Variants in DOCK7 observed in about 807,000 individuals in gnomAD.
DOCK7 encodes dedicator of cytokinesis protein 7.
In DOCK7, 138 loss-of-function variants were observed where a neutral mutation model predicts 271.0. The ratio of observed to expected loss-of-function variants is 0.51; its 90% CI spans 0.44 to 0.59. The LOEUF (loss-of-function observed/expected upper bound fraction) is 0.59, where lower values mean the gene tolerates loss of function less well. Among genes scored for constraint, DOCK7 ranks in the 20% least tolerant of loss-of-function variants. DOCK7 has a pLI of 0.00. For missense variants in DOCK7, 2,066 were observed against 2,592.4 expected, an observed-to-expected ratio of 0.80 and a Z score of 4.41; for synonymous variants, 823 against 876.1, an observed-to-expected ratio of 0.94 and a Z score of 1.07.
chr1:62,612,920 C>CT lies in DOCK7; in HGVS notation c.1682+5785dup, dbSNP rs367564544. Among the ~76,000 whole-genome samples, 161 of 152,318 alleles carry CT rather than the reference C, an allele frequency of 1.1e-3. 3 individuals are homozygous for CT. The South Asian group carries it at 0.019, about 18-fold the overall frequency. ...GCCATTACTGGAAATGCGGCTAACT[C>CT]TAACAATCCTGCCAAGAATACCATG... On this transcript the variant is annotated intron_variant, in intron 14 of 49. Coordinates refer to ENST00000635253, the MANE Select transcript of DOCK7 (RefSeq NM_001367561.1).
chr1:62,661,097 GAA>G (rs759373674), intron 2 of DOCK7, among the ~76,000 whole-genome samples: 11 of 116,490 alleles, frequency 9.4e-5, no homozygotes, highest in Admixed American at 1.8e-4. Context: ...GAACCTGTCT[GAA>G]AAAAAAAAAA....
intron 47 of DOCK7, 29 bp from the exon 48 acceptor site, chr1:62,474,117 T>C: frequency 6.4e-7 from 1 of 1,564,522 alleles, no homozygotes; most frequent in Non-Finnish European, 8.7e-7. Context: ...AGAAGTGTGT[T>C]TTTTTGTTAT....
Position 62,625,331 on chromosome 1 carries a change from T to C in DOCK7, c.1353A>G (p.Thr451=), listed in dbSNP as rs778334537. Residue 451 remains threonine, a synonymous_variant, in exon 12 of 50, where the codon ACA becomes ACG. Transcript: ENST00000635253. ...TCAAGTTACAAGCATCATCTCCACT[T>C]GTTGTCCTTTCAAGTGATCGTCTGC... The part of the protein sequence containing the change: ...IVGRRSLERT[T]SGDDACNLTS... 3.1e-6 allele frequency: 5 copies of C among 1,613,840 alleles called. No homozygotes were observed. In the East Asian group the frequency reaches 8.9e-5, roughly 29 times the overall value.
At chr1:62,644,304 C>A (rs888386924) in intron 7 of DOCK7, among the ~76,000 whole-genome samples, 3 of 152,186 alleles carry the variant, frequency 2.0e-5, no homozygotes, top group Non-Finnish European at 2.9e-5. Context: ...CAAGAGCTTT[C>A]TCTTTTTATT....
At chr1:62,617,144 C>T (rs1652540361) in intron 14 of DOCK7, among the ~76,000 whole-genome samples, 1 of 150,044 alleles carries the variant, frequency 6.7e-6, no homozygotes, top group Non-Finnish European at 1.5e-5. Flanking sequence ...GGTAAATAGG[C>T]TCTAAGATGA....
chr1:62,512,727 T>A (rs1447821354), intron 33 of DOCK7, among the ~76,000 whole-genome samples: 1 of 150,294 alleles, frequency 6.7e-6, no homozygotes, highest in Non-Finnish European at 1.5e-5. Flanking sequence ...AGTGAGACCA[T>A]GTTTAAAAAA....
chr1:62,506,981 TA>T (rs1553158508), intron 35 of DOCK7, among the ~76,000 whole-genome samples: 1 of 150,610 alleles, frequency 6.6e-6, no homozygotes, highest in African/African-American at 2.4e-5. Context: ...AATAAATAAA[TA>T]AAATAGAGTA....
chr1:62,515,289 G>A (rs1644629624), intron 31 of DOCK7, among the ~76,000 whole-genome samples: 1 of 152,028 alleles, frequency 6.6e-6, no homozygotes, highest in Non-Finnish European at 1.5e-5. Context: ...GCATATAAGT[G>A]AATTCACCCA....
chr1:62,594,451 T>C (rs911329063), intron 14 of DOCK7, among the ~76,000 whole-genome samples: 2 of 152,088 alleles, frequency 1.3e-5, no homozygotes, highest in Non-Finnish European at 2.9e-5. Context: ...GTCAGTGTTA[T>C]TTGTGAGAAA....
intron 48 of DOCK7, among the ~76,000 whole-genome samples, chr1:62,464,881 G>T (rs1385653773): frequency 2.0e-5 from 3 of 152,094 alleles, no homozygotes; most frequent in South Asian, 2.1e-4. Context: ...TTTGCGAAAA[G>T]ACTTGAAAAC....
chr1:62,545,861 G>C (rs1269041211), intron 22 of DOCK7, among the ~76,000 whole-genome samples: 2 of 152,084 alleles, frequency 1.3e-5, no homozygotes, highest in Non-Finnish European at 2.9e-5. Context: ...TCCTAAAACT[G>C]ACTGTTGGTC....
chr1:62,601,995 A>C, intron 14 of DOCK7: 2 of 653,614 alleles, frequency 3.1e-6, no homozygotes, highest in Non-Finnish European at 5.3e-6. Context: ...AATATATATG[A>C]GTATTCGTAT....
chr1:62,664,207 GGT>G (rs1659008292), intron 1 of DOCK7, among the ~76,000 whole-genome samples: 1 of 152,110 alleles, frequency 6.6e-6, no homozygotes, highest in Non-Finnish European at 1.5e-5. Flanking sequence ...GTAGAAATAG[GGT>G]GATATGGTTT....
At chr1:62,576,421 G>C (rs942844609) in intron 18 of DOCK7, among the ~76,000 whole-genome samples, 5 of 152,310 alleles carry the variant, frequency 3.3e-5, no homozygotes, top group Admixed American at 1.3e-4. Flanking sequence ...CTTTTCGTGT[G>C]TAAGGAACAG....
chr1:62,681,538 A>T (rs1329144435), intron 1 of DOCK7, among the ~76,000 whole-genome samples: 1 of 14,406 alleles, frequency 6.9e-5, no homozygotes, highest in Non-Finnish European at 5.5e-4. Flanking sequence ...GTATAATAAA[A>T]AATAAAAAAA....
chr1:62,604,812 G>C (rs1424627441), intron 14 of DOCK7: 2 of 1,612,640 alleles, frequency 1.2e-6, no homozygotes, highest in Non-Finnish European at 1.7e-6. Flanking sequence ...AGAAAGCTTT[G>C]AATGAACTGA....
In DOCK7 at chr1:62,483,237, C is replaced by A. The variant is rs540176070; in HGVS notation, c.5508+4161G>T. ...GGGTAGAGATGAGATCTCAGTGTTGCCCAGACTGGTTTCAAACTTCAGGCC... is the reference window on the plus strand; with the variant it reads ...GGGTAGAGATGAGATCTCAGTGTTGACCAGACTGGTTTCAAACTTCAGGCC... On this transcript the variant is annotated intron_variant, in intron 43 of 49. Transcript: ENST00000635253. The A allele has an allele frequency of 6.4e-5, 8 of 125,508 alleles. No individual in the cohort carries two copies. In the South Asian group the frequency reaches 2.0e-3, roughly 32 times the overall value. 7.8% of individuals were successfully genotyped at this position (125,508 alleles called of 1,614,324 possible).
intron 37 of DOCK7, among the ~76,000 whole-genome samples, chr1:62,498,140 A>T (rs1489673736): frequency 6.6e-6 from 1 of 151,618 alleles, no homozygotes; most frequent in Non-Finnish European, 1.5e-5. Context: ...GCTACTTGGG[A>T]GGCTGAGTGG....
At chr1:62,474,897 T>A (rs533773282) in intron 47 of DOCK7, among the ~76,000 whole-genome samples, 1 of 152,288 alleles carries the variant, frequency 6.6e-6, no homozygotes, top group African/African-American at 2.4e-5. Flanking sequence ...CACAACTTAT[T>A]GTAAAGGAGA....
Sources: gnomAD v4.1 joint callset for allele counts (sites outside exome capture counted in the v4.1 genomes callset) on GRCh38, gnomAD v4.1.1 for gene constraint, MANE v1.5 for transcripts, NCBI Gene and HGNC (gene_info 2026-07-23, HGNC 2026-07-21) for gene names.